The following SUDS3 variants were observed in gnomAD, a reference collection of about 807,000 sequenced individuals.
SUDS3 encodes SIN3A corepressor complex component SDS3.
SUDS3 carries 23 observed loss-of-function variants against 53.5 expected under a neutral mutation model. The ratio of observed to expected loss-of-function variants is 0.43; its 90% CI spans 0.31 to 0.61. The LOEUF (loss-of-function observed/expected upper bound fraction) is 0.61. Ranked by LOEUF, SUDS3 falls within the 20% of genes least tolerant of loss-of-function variation. The probability of loss-of-function intolerance (pLI) is 0.10; values close to 1 mark genes in which losing one functional copy is unlikely to be tolerated. For synonymous variants in SUDS3, 150 were observed against 148.5 expected, an observed-to-expected ratio of 1.01 and a Z score of -0.08; for missense variants, 291 against 405.9, an observed-to-expected ratio of 0.72 and a Z score of 2.43.
chr12:118,378,902 C>T (rs909955914), intron 1 of SUDS3, among the ~76,000 whole-genome samples: 12 of 151,796 alleles, frequency 7.9e-5, no homozygotes, highest in Admixed American at 5.9e-4. Context: ...CTCGAACTCC[C>T]GACCTCAGGT....
chr12:118,388,814 G>A (rs1429467617), intron 4 of SUDS3, among the ~76,000 whole-genome samples: 1 of 152,116 alleles, frequency 6.6e-6, no homozygotes, highest in East Asian at 1.9e-4. Flanking sequence ...ATCTGTGGAG[G>A]TCCTTCCTTA....
chr12:118,397,933 T>C (rs2046230622), intron 6 of SUDS3, among the ~76,000 whole-genome samples: 1 of 152,152 alleles, frequency 6.6e-6, no homozygotes, highest in Admixed American at 6.5e-5. Context: ...GAACATTCCA[T>C]AATGTTCATG....
intron 2 of SUDS3, 122 bp from the exon 3 acceptor site, chr12:118,383,890 C>A: frequency 1.2e-6 from 1 of 820,742 alleles, no homozygotes; most frequent in Non-Finnish European, 1.9e-6. Context: ...TTACTTTCCT[C>A]TCTTCCCTGA....
rs551232423 is a variant in SUDS3 at position 118,390,841 on chromosome 12, G to T, written c.361-285G>T. 9.1e-5 allele frequency: 36 copies of T among 395,894 alleles called. 1 individual carries two copies. The Middle Eastern group carries it at 2.3e-3, about 25-fold the overall frequency. 24.5% of individuals were successfully genotyped at this position (395,894 alleles called of 1,614,324 possible). A position where few individuals can be genotyped will look rare whatever the true frequency, so the allele number is the denominator to read the frequency against. Reference sequence around the variant, plus strand: ...CCTTTGAAGCTGTAACTTTATGAGCGATTATTTACTACCTTTGAGAAATGT... The same window carrying T: ...CCTTTGAAGCTGTAACTTTATGAGCTATTATTTACTACCTTTGAGAAATGT... On this transcript the variant is annotated intron_variant, in intron 5 of 11. Coordinates refer to ENST00000543473, the MANE Select transcript of SUDS3 (RefSeq NM_022491.3).
intron 2 of SUDS3, among the ~76,000 whole-genome samples, chr12:118,380,849 T>A (rs2046051848): frequency 6.6e-6 from 1 of 151,382 alleles, no homozygotes; most frequent in Non-Finnish European, 1.5e-5. Flanking sequence ...GGATTACAGG[T>A]GCACGCCACC....
intron 10 of SUDS3, among the ~76,000 whole-genome samples, chr12:118,407,195 T>C (rs2046315933): frequency 6.6e-6 from 1 of 152,142 alleles, no homozygotes; most frequent in South Asian, 2.1e-4. Flanking sequence ...CCCTGAACAC[T>C]TTAATATCTA....
chr12:118,379,208 A>G (rs1450430818), intron 1 of SUDS3, among the ~76,000 whole-genome samples: 1 of 151,206 alleles, frequency 6.6e-6, no homozygotes, highest in South Asian at 2.1e-4. Flanking sequence ...ATGCGAAAGC[A>G]GGTGGTTCAC....
chr12:118,411,821 G>T (rs2046362424), intron 11 of SUDS3, among the ~76,000 whole-genome samples: 1 of 152,098 alleles, frequency 6.6e-6, no homozygotes, highest in African/African-American at 2.4e-5. Flanking sequence ...TCTTTTTAAG[G>T]TAACCATCTA....
intron 10 of SUDS3, among the ~76,000 whole-genome samples, chr12:118,408,405 C>T (rs553969562): frequency 1.8e-4 from 27 of 151,802 alleles, no homozygotes; most frequent in African/African-American, 6.0e-4. Context: ...ATGATCTCAG[C>T]CCACTGCAGT....
At chr12:118,401,498 C>T (rs1435844835) in intron 7 of SUDS3, among the ~76,000 whole-genome samples, 1 of 152,162 alleles carries the variant, frequency 6.6e-6, no homozygotes, top group Admixed American at 6.5e-5. Context: ...TTACTGTTTC[C>T]TTTGCTGTGT....
chr12:118,384,046 C>G lies in SUDS3; in HGVS notation c.247C>G (p.Gln83Glu), dbSNP rs769964804. Residue 83 changes from glutamine to glutamate, a missense_variant, in exon 3 of 12, where the codon CAG (glutamine) becomes GAG (glutamate). Gln to Glu is a conservative substitution (Grantham distance 29). Around this residue, in one of 4 missense-constraint regions of SUDS3, gnomAD observed 149 missense variants for 146.5 expected, o/e 1.02. Coordinates refer to ENST00000543473, the MANE Select transcript of SUDS3 (RefSeq NM_022491.3). ...YQDKLASLKR[Q>E]LQQLQEGTLQ... ...GGACAAACTGGCTTCTCTCAAGAGG[C>G]AGTTGCAACAACTGCAAGAAGGTTG... 5 of 1,613,530 alleles carry G rather than the reference C, an allele frequency of 3.1e-6. No individual in the cohort carries two copies. In the Admixed American group the frequency reaches 8.3e-5, roughly 27 times the overall value.
At chr12:118,394,272 AAGT>A (rs960923906) in intron 6 of SUDS3, among the ~76,000 whole-genome samples, 6 of 152,098 alleles carry the variant, frequency 3.9e-5, no homozygotes, top group African/African-American at 1.4e-4. Flanking sequence ...TTGCTTCACA[AAGT>A]AGCTGGTTTA....
intron 6 of SUDS3, among the ~76,000 whole-genome samples, chr12:118,395,883 G>C (rs1021746729): frequency 6.6e-5 from 10 of 151,876 alleles, no homozygotes; most frequent in African/African-American, 2.4e-4. Context: ...AGTAGAGACG[G>C]GGTTTCACCT....
rs1315328496 is a variant in SUDS3, at chr12:118,417,757, A to G, written c.*3324A>G. The G allele has an allele frequency of 2.0e-5, 3 of 151,884 alleles. No homozygotes were observed. Among genetic ancestry groups the G allele is most frequent in the African/African-American group, 4.8e-5 (2 of 41,318 alleles). The allele number at this position is 151,884 out of a possible 1,614,324, so 9.4% of individuals were successfully genotyped here. ...AGTCTGTATTGTATCCATTGACTTG[A>G]TAAGTGATAGAAATTTATTTTAGGT... On this transcript the variant is annotated 3_prime_UTR_variant, in exon 12 of 12. Coordinates refer to ENST00000543473, the MANE Select transcript of SUDS3 (RefSeq NM_022491.3).
chr12:118,380,410 G>C (rs1203783185), intron 2 of SUDS3, among the ~76,000 whole-genome samples, 179 bp downstream of exon 2: 1 of 152,178 alleles, frequency 6.6e-6, no homozygotes, highest in Non-Finnish European at 1.5e-5. Context: ...TTGGATGTGG[G>C]ATGCTCAGCT....
intron 4 of SUDS3, among the ~76,000 whole-genome samples, chr12:118,389,436 G>T (rs541826095): frequency 1.3e-5 from 2 of 152,100 alleles, no homozygotes; most frequent in Admixed American, 1.3e-4. Flanking sequence ...AGTTTATTTT[G>T]CCAGGGGAGT....
At chr12:118,402,120 C>T in intron 9 of SUDS3, 116 bp downstream of exon 9, 2 of 1,211,542 alleles carry the variant, frequency 1.7e-6, no homozygotes, top group South Asian at 1.3e-5. Context: ...TCATCATTTG[C>T]CTAAGAGTAG....
intron 6 of SUDS3, among the ~76,000 whole-genome samples, chr12:118,398,234 T>A (rs1436803652): frequency 1.3e-5 from 2 of 152,082 alleles, no homozygotes; most frequent in African/African-American, 2.4e-5. Context: ...CGGCGCACTG[T>A]GGGGGAGGCA....
intron 2 of SUDS3, among the ~76,000 whole-genome samples, chr12:118,382,254 G>A (rs146452378): frequency 0.032 from 4,826 of 152,054 alleles, 255 homozygotes; most frequent in African/African-American, 0.11. Context: ...CACCATGTTG[G>A]CCAGGCTGGT....
Sources: allele counts gnomAD v4.1 joint callset (sites outside exome capture counted in the v4.1 genomes callset), GRCh38; gene constraint gnomAD v4.1.1; regional missense constraint gnomAD v4.1.1; transcripts MANE v1.5; gene names NCBI Gene and HGNC (gene_info 2026-07-23, HGNC 2026-07-21).